KLF12: variants seen among roughly 807,000 people sequenced by gnomAD.
KLF12 encodes the protein Krueppel-like factor 12.
Under a neutral mutation model 37.8 loss-of-function variants are expected in KLF12, and 9 were observed. That is an observed-to-expected ratio of 0.24 (90% CI 0.14 to 0.42). KLF12 has a LOEUF of 0.42. Among genes scored for constraint, KLF12 ranks in the 10% least tolerant of loss-of-function variants. The pLI is 1.00. For synonymous variants in KLF12, 208 were observed against 202.1 expected (o/e 1.03, Z -0.25); for missense variants, 411 against 516.0 (o/e 0.80, Z 1.97).
chr13:74,006,775 T>C (rs1461273625), intron 1 of KLF12, among the ~76,000 whole-genome samples: 2 of 152,206 alleles, frequency 1.3e-5, no homozygotes, highest in Non-Finnish European at 2.9e-5. Flanking sequence ...AAATCCATCC[T>C]TCTCTCCAAA....
At chr13:73,720,177 T>C (rs1402397464) in intron 6 of KLF12, among the ~76,000 whole-genome samples, 1 of 152,106 alleles carries the variant, frequency 6.6e-6, no homozygotes, top group Non-Finnish European at 1.5e-5. Context: ...CTGGCAATAT[T>C]ATCTTGCCCC....
chr13:74,075,720 T>G (rs553879892), intron 1 of KLF12, among the ~76,000 whole-genome samples: 2 of 152,150 alleles, frequency 1.3e-5, no homozygotes, highest in African/African-American at 2.4e-5. Flanking sequence ...CAAACATCAA[T>G]GTACTTTGTT....
chr13:73,790,232 G>A (rs1332185076), intron 5 of KLF12, among the ~76,000 whole-genome samples: 1 of 152,150 alleles, frequency 6.6e-6, no homozygotes, highest in Admixed American at 6.5e-5. Context: ...AAATGTCTAT[G>A]TCTGACTTTT....
At chr13:74,232,592 G>A in the KLF12 span, among the ~76,000 whole-genome samples, 1 of 152,140 alleles carries the variant, frequency 6.6e-6, no homozygotes, top group Non-Finnish European at 1.5e-5. Context: ...TCAAAGTAGA[G>A]TGTCTTATCT....
chr13:73,988,780 C>G (rs1016811643), intron 2 of KLF12, among the ~76,000 whole-genome samples: 1 of 152,170 alleles, frequency 6.6e-6, no homozygotes, highest in African/African-American at 2.4e-5. Context: ...TTTCCTAAAG[C>G]TAAACTGACT....
chr13:74,285,151 G>C, the KLF12 span, among the ~76,000 whole-genome samples: 1 of 151,704 alleles, frequency 6.6e-6, no homozygotes. Context: ...ACTTAAATAA[G>C]ATCAAATGCC....
At chr13:74,068,300 A>C (rs1365054303) in intron 1 of KLF12, among the ~76,000 whole-genome samples, 2 of 152,244 alleles carry the variant, frequency 1.3e-5, no homozygotes, top group Non-Finnish European at 2.9e-5. Flanking sequence ...AATTTTTTAA[A>C]ACAATTTTTA....
chr13:73,959,939 A>G (rs2139456138), intron 2 of KLF12, among the ~76,000 whole-genome samples: 1 of 152,290 alleles, frequency 6.6e-6, no homozygotes, highest in Non-Finnish European at 1.5e-5. Flanking sequence ...CGCAAAATGC[A>G]AGCTTTTTTT....
chr13:74,194,652 A>G, the KLF12 span, among the ~76,000 whole-genome samples: 1 of 152,188 alleles, frequency 6.6e-6, no homozygotes, highest in Admixed American at 6.5e-5. Flanking sequence ...TACCTAAACT[A>G]TAGAAGAAAC....
intron 3 of KLF12, among the ~76,000 whole-genome samples, chr13:73,867,405 C>CGT (rs35268742): frequency 0.18 from 26,329 of 150,250 alleles, 3,061 homozygotes; most frequent in East Asian, 0.52. Context: ...TACATATATA[C>CGT]GTGTGTGTGT....
chr13:74,264,843 A>C, the KLF12 span, among the ~76,000 whole-genome samples: 1 of 152,198 alleles, frequency 6.6e-6, no homozygotes, highest in Non-Finnish European at 1.5e-5. Flanking sequence ...TAAATTCCAA[A>C]CATGCTCAAC....
At chr13:73,987,483 TATA>T (rs1891853632) in intron 2 of KLF12, among the ~76,000 whole-genome samples, 2 of 151,964 alleles carry the variant, frequency 1.3e-5, no homozygotes, top group Admixed American at 6.6e-5. Context: ...TCTGGTAAAA[TATA>T]ATAATTACTT....
the KLF12 span, among the ~76,000 whole-genome samples, chr13:74,171,844 T>C: frequency 6.6e-6 from 1 of 152,206 alleles, no homozygotes; most frequent in Non-Finnish European, 1.5e-5. Context: ...TGTTGCTATT[T>C]ATTTGTCCAA....
At chr13:74,166,213 C>A in the KLF12 span, among the ~76,000 whole-genome samples, 2 of 151,636 alleles carry the variant, frequency 1.3e-5, no homozygotes. Context: ...CCACCTCAGC[C>A]CCCGAGTAGC....
intron 5 of KLF12, among the ~76,000 whole-genome samples, chr13:73,793,646 T>C (rs1325577932): frequency 6.6e-6 from 1 of 152,226 alleles, no homozygotes; most frequent in Non-Finnish European, 1.5e-5. Context: ...TTCTTGATAC[T>C]TTTTATTGTG....
At chr13:74,041,286 G>A (rs1165292322) in intron 1 of KLF12, among the ~76,000 whole-genome samples, 1 of 152,096 alleles carries the variant, frequency 6.6e-6, no homozygotes, top group East Asian at 1.9e-4. Context: ...CCATTCATGT[G>A]CCCTGTAGTA....
At chr13:73,827,026 C>T (rs1336250354) in intron 4 of KLF12, among the ~76,000 whole-genome samples, 1 of 152,178 alleles carries the variant, frequency 6.6e-6, no homozygotes, top group East Asian at 1.9e-4. Context: ...AGTGATCTGC[C>T]CACCTTGGCC....
At chr13:74,177,454 G>A in the KLF12 span, among the ~76,000 whole-genome samples, 1 of 152,166 alleles carries the variant, frequency 6.6e-6, no homozygotes, top group African/African-American at 2.4e-5. Flanking sequence ...CTTGAAAATA[G>A]GGAGCCTGGA....
chr13:74,254,996 A>T, the KLF12 span, among the ~76,000 whole-genome samples: 1 of 152,182 alleles, frequency 6.6e-6, no homozygotes, highest in Non-Finnish European at 1.5e-5. Context: ...GCCAAGATTG[A>T]CAGGAATTAG....
Sources: gnomAD v4.1 joint callset for allele counts (sites outside exome capture counted in the v4.1 genomes callset) on GRCh38, gnomAD v4.1.1 for gene constraint, MANE v1.5 for transcripts, NCBI Gene and HGNC (gene_info 2026-07-23, HGNC 2026-07-21) for gene names.